Variants in ARID3C observed in about 807,000 individuals in gnomAD.
ARID3C encodes AT-rich interactive domain-containing protein 3C.
Under a neutral mutation model 37.9 loss-of-function variants are expected in ARID3C, and 42 were observed. The observed-to-expected ratio is 1.11, with a 90% CI of 0.87 to 1.43. The LOEUF (loss-of-function observed/expected upper bound fraction) is 1.43. ARID3C is among the 40% of genes most tolerant of loss of function. ARID3C has a pLI of 0.00. For missense variants in ARID3C, 581 were observed against 548.8 expected (o/e 1.06, Z -0.59); for synonymous variants, 213 against 228.0 (o/e 0.93, Z 0.59).
At position 34,625,820 on chromosome 9, in the gene ARID3C, G is replaced by A. The variant is rs773322929; in HGVS notation, c.319-6C>T. On this transcript the variant is annotated splice_polypyrimidine_tract_variant and splice_region_variant and intron_variant, in intron 1 of 6. Transcript: ENST00000378909. ...TCTGCATCGAGCTCATACAGCTGGG[G>A]AAGGATTGGGGTCATTCTACAGCTC... The A allele has an allele frequency of 3.1e-6, 5 of 1,613,792 alleles. No homozygotes were observed. The highest frequency in any genetic ancestry group is 1.7e-5 in the Admixed American group (1 of 59,988).
At chr9:34,626,329 G>T (rs1404578542) in intron 1 of ARID3C, among the ~76,000 whole-genome samples, 1 of 152,130 alleles carries the variant, frequency 6.6e-6, no homozygotes, top group African/African-American at 2.4e-5. Flanking sequence ...ATGCTCAGAA[G>T]CTCCTGGGTT....
rs888520523 is a variant in ARID3C, at chr9:34,622,346, C to A, written c.1048+1G>T. ...CCCCCTCACAACAAGCCCCTCCTCACCCCTCAGGGGAACCTTGCCACGGGG... is the reference window on the plus strand; with the variant it reads ...CCCCCTCACAACAAGCCCCTCCTCAACCCTCAGGGGAACCTTGCCACGGGG... On this transcript the variant is annotated splice_donor_variant, in intron 5 of 6. Transcript: ENST00000378909. LOFTEE classifies it high-confidence loss of function. The A allele has an allele frequency of 5.6e-6, 9 of 1,604,416 alleles. No individual in the cohort carries two copies. The highest frequency in any genetic ancestry group is 7.7e-6 in the Non-Finnish European group (9 of 1,175,256).
intron 3 of ARID3C, 41 bp from the exon 5 acceptor site, chr9:34,623,755 A>T: frequency 1.3e-6 from 2 of 1,503,390 alleles, no homozygotes; most frequent in Non-Finnish European, 1.8e-6. Context: ...GGGAGGCTGC[A>T]CCCAGCTGGT....
At chr9:34,625,610 T>C in intron 2 of ARID3C, 132 bp downstream of exon 3, 7 of 832,264 alleles carry the variant, frequency 8.4e-6, no homozygotes, top group South Asian at 4.8e-5. Context: ...GGTCAGAGGT[T>C]AAAGACGCTA....
chr9:34,622,401 G>A (rs776702143), exon 5 of ARID3C: 1 of 1,613,946 alleles, frequency 6.2e-7, no homozygotes, highest in Non-Finnish European at 8.5e-7. Context: ...CAAGGTCGAG[G>A]TGGGTCCATA....
rs368348377 is a variant in ARID3C at position 34,628,064 on chromosome 9, C to T, written c.-50G>A. On this transcript the variant is annotated 5_prime_UTR_variant, in exon 1 of 7. Coordinates refer to ENST00000378909, the Ensembl canonical transcript of ARID3C. This position sits in a 1 kb window ranked among gnomAD's most constrained non-coding sequence, Gnocchi z 5.2. ...AGCTGAGGGGGTCCCTGGTACCAGGCGGGACCCCGAGGAAAGGGCCGCCTG... is the reference window on the plus strand; with the variant it reads ...AGCTGAGGGGGTCCCTGGTACCAGGTGGGACCCCGAGGAAAGGGCCGCCTG... 1.7e-5 allele frequency: 24 copies of T among 1,443,186 alleles called. No homozygotes were observed. The African/African-American group carries it at 2.6e-4, about 16-fold the overall frequency. The allele number at this position is 1,443,186 out of a possible 1,614,324, so 89.4% of individuals were successfully genotyped here. A position where few individuals can be genotyped will look rare whatever the true frequency, so the allele number is the denominator to read the frequency against.
rs772888354 is a variant in ARID3C, at chr9:34,627,678, T to C, written c.318+19A>G. 1.9e-6 allele frequency: 3 copies of C among 1,569,684 alleles called. No homozygotes were observed. Among genetic ancestry groups the C allele is most frequent in the Non-Finnish European group, 2.6e-6 (3 of 1,156,084 alleles). On this transcript the variant is annotated intron_variant, in intron 1 of 6. Coordinates refer to ENST00000378909, the Ensembl canonical transcript of ARID3C. ...GAGAGATAGGGAAGAGGGCCGGACA[T>C]TGAGGGCATAGGTCCTACCTGCTTG...
chr9:34,623,350 T>C (rs1820602891), intron 4 of ARID3C, 75 bp downstream of exon 5: 1 of 1,436,732 alleles, frequency 7.0e-7, no homozygotes, highest in Admixed American at 2.6e-5. Context: ...AATCCTCACA[T>C]TTTAATGGTT....
downstream of ARID3C, among the ~76,000 whole-genome samples, chr9:34,621,061 G>A (rs1005680768): frequency 2.0e-5 from 3 of 152,274 alleles, no homozygotes; most frequent in East Asian, 1.9e-4. Flanking sequence ...GGGAGGGACC[G>A]CAGCTTTATT....
chr9:34,623,551 C>A, exon 4 of ARID3C: 1 of 1,599,524 alleles, frequency 6.3e-7, no homozygotes, highest in South Asian at 1.1e-5. Context: ...AAGGCTGGGT[C>A]CTGAGCGCCC....
intron 1 of ARID3C, 85 bp from the exon 3 acceptor site, chr9:34,625,899 G>C: frequency 6.8e-7 from 1 of 1,475,888 alleles, no homozygotes; most frequent in Non-Finnish European, 9.4e-7. Flanking sequence ...CCTGAACAAG[G>C]GTCCCTAGCT....
chr9:34,623,900 G>T, exon 3 of ARID3C: 1 of 1,601,842 alleles, frequency 6.2e-7, no homozygotes. Context: ...GGTGATGGTG[G>T]TGGGTAGGCT....
At chr9:34,630,143 T>C (rs2132317175), upstream of ARID3C, among the ~76,000 whole-genome samples, 1 of 152,330 alleles carries the variant, frequency 6.6e-6, no homozygotes, top group East Asian at 1.9e-4. Context: ...GTTTCAACAG[T>C]GACCGGCACT....
At chr9:34,632,574 C>T (rs1445998454), upstream of ARID3C, among the ~76,000 whole-genome samples, 1 of 152,074 alleles carries the variant, frequency 6.6e-6, no homozygotes, top group Non-Finnish European at 1.5e-5. Context: ...AGTCTATAGG[C>T]AAGAGATGAT....
chr9:34,621,347 C>T (rs1032296527), downstream of ARID3C: 26 of 714,888 alleles, frequency 3.6e-5, no homozygotes, highest in African/African-American at 1.7e-4. Context: ...TGGGAGGTGT[C>T]GTCCCCTCCC....
exon 1 of ARID3C, chr9:34,627,780 C>T (rs1387841040): frequency 6.2e-7 from 1 of 1,613,980 alleles, no homozygotes; most frequent in African/African-American, 1.3e-5. Context: ...CCCTGGGCCC[C>T]TGGACGGCTC....
chr9:34,627,989 G>T, exon 1 of ARID3C: 1 of 1,512,388 alleles, frequency 6.6e-7, no homozygotes, highest in Non-Finnish European at 8.9e-7. Context: ...CAGCCGAGCT[G>T]CCTGCTGCTT....
At chr9:34,627,706 T>C in exon 1 of ARID3C, 1 of 1,609,436 alleles carries the variant, frequency 6.2e-7, no homozygotes, top group Non-Finnish European at 8.5e-7. Flanking sequence ...CCTGCTTGAA[T>C]TGTTCCTCGT....
intron 4 of ARID3C, among the ~76,000 whole-genome samples, chr9:34,623,146 A>G (rs1400992467): frequency 8.2e-6 from 1 of 121,354 alleles, no homozygotes; most frequent in Non-Finnish European, 1.8e-5. Flanking sequence ...ACTCCGTCTC[A>G]CAAAAAAAAA....
Sources: allele counts gnomAD v4.1 joint callset (sites outside exome capture counted in the v4.1 genomes callset), GRCh38; gene constraint gnomAD v4.1.1; non-coding constraint Gnocchi (gnomAD v3.1); transcripts MANE v1.5; gene names NCBI Gene and HGNC (gene_info 2026-07-23, HGNC 2026-07-21).